Variants in RLN2 observed in about 807,000 individuals in gnomAD.
RLN2 encodes prorelaxin H2.
Under a neutral mutation model 7.3 loss-of-function variants are expected in RLN2, and 10 were observed. The ratio of observed to expected loss-of-function variants is 1.36; its 90% CI spans 0.84 to 2.31. The LOEUF (loss-of-function observed/expected upper bound fraction) is 2.31, where lower values mean the gene tolerates loss of function less well. RLN2 is among the 30% of genes most tolerant of loss of function. RLN2 has a pLI of 0.00. For synonymous variants in RLN2, 103 were observed against 82.3 expected, an observed-to-expected ratio of 1.25 and a Z score of -1.36; for missense variants, 298 against 217.6, an observed-to-expected ratio of 1.37 and a Z score of -2.32.
At chr9:5,310,054 TG>T in the RLN2 span, among the ~76,000 whole-genome samples, 2 of 151,720 alleles carry the variant, frequency 1.3e-5, no homozygotes, top group South Asian at 4.2e-4. Context: ...GTAGTTGTGT[TG>T]GGTAAAAGAG....
intron 1 of RLN2, among the ~76,000 whole-genome samples, chr9:5,301,419 T>C (rs1328933539): frequency 2.0e-5 from 3 of 152,238 alleles, no homozygotes; most frequent in Non-Finnish European, 1.5e-5. Context: ...TTTATTTAAA[T>C]GTTTCTTGCT....
chr9:5,304,505 A>T lies in RLN2; in HGVS notation c.76T>A (p.Ser26Thr), dbSNP rs142573027. Reference sequence around the variant, plus strand: ...AATTTAATAACTTCCTCCATCCATGAGTCCGCGACTGCTCTGGAAAATTGG... The same window carrying T: ...AATTTAATAACTTCCTCCATCCATGTGTCCGCGACTGCTCTGGAAAATTGG... ...LNQFSRAVAD[S>T]WMEEVIKLCG... The change falls in exon 1 of 2, where the codon TCA (serine) becomes ACA (threonine). Residue 26 changes from serine to threonine, a missense_variant. Ser to Thr is a moderately conservative substitution (Grantham distance 58, BLOSUM62 1). Transcript: ENST00000381627. 154 of 1,613,070 alleles carry T rather than the reference A, an allele frequency of 9.5e-5. 5 individuals carry two copies. The highest frequency in any genetic ancestry group is 2.3e-4 in the African/African-American group (17 of 74,898).
At chr9:5,305,520 TTG>T (rs1025403908), upstream of RLN2, among the ~76,000 whole-genome samples, 1 of 151,928 alleles carries the variant, frequency 6.6e-6, no homozygotes, top group Non-Finnish European at 1.5e-5. Flanking sequence ...TTACTGTATT[TTG>T]TGTTTGCTGC....
At chr9:5,326,844 A>G in the RLN2 span, among the ~76,000 whole-genome samples, 1 of 152,132 alleles carries the variant, frequency 6.6e-6, no homozygotes, top group Non-Finnish European at 1.5e-5. Flanking sequence ...GTATTGAAAT[A>G]GAAGGCAAAT....
At chr9:5,333,001 A>G in the RLN2 span, among the ~76,000 whole-genome samples, 3 of 152,038 alleles carry the variant, frequency 2.0e-5, no homozygotes, top group Non-Finnish European at 2.9e-5. Flanking sequence ...TTCTTCTACT[A>G]AAACACAAGA....
the RLN2 span, among the ~76,000 whole-genome samples, chr9:5,335,792 T>C: frequency 1.3e-5 from 2 of 152,060 alleles, no homozygotes; most frequent in Non-Finnish European, 2.9e-5. Context: ...ACCATAATTT[T>C]ACCAAGGCTC....
At chr9:5,301,235 G>C (rs1320264636) in intron 1 of RLN2, among the ~76,000 whole-genome samples, 1 of 152,120 alleles carries the variant, frequency 6.6e-6, no homozygotes, top group African/African-American at 2.4e-5. Context: ...TCCTAGGAAG[G>C]GAGCCTGTTC....
rs471225 is a variant in RLN2 at position 5,302,794 on chromosome 9, G to A, written c.211+1576C>T. On this transcript the variant is annotated intron_variant, in intron 1 of 1. Transcript: ENST00000381627. ...AAATACTACACAGGAATTTCAAATT[G>A]TGTTTTGGGATAATAACAATGTGAG... Among the ~76,000 whole-genome samples, 6 of 152,278 alleles carry A rather than the reference G, an allele frequency of 3.9e-5. No homozygotes were observed. In the South Asian group the frequency reaches 1.0e-3, roughly 26 times the overall value.
the RLN2 span, among the ~76,000 whole-genome samples, chr9:5,337,284 C>T: frequency 6.6e-6 from 1 of 151,710 alleles, no homozygotes; most frequent in African/African-American, 2.4e-5. Context: ...ATGAATCAGC[C>T]AAAACAGTTA....
chr9:5,311,386 C>T, the RLN2 span: 131 of 478,652 alleles, frequency 2.7e-4, 2 homozygotes, highest in African/African-American at 2.2e-3. Flanking sequence ...AGCCGGGGCT[C>T]TCATTGGACA....
chr9:5,333,930 C>G, the RLN2 span, among the ~76,000 whole-genome samples: 2 of 152,046 alleles, frequency 1.3e-5, no homozygotes, highest in Admixed American at 1.3e-4. Context: ...ATATGATTAT[C>G]TTAACAGATG....
rs1447378245 is a variant in RLN2, at chr9:5,300,327, G to A, written c.329C>T (p.Pro110Leu). Residue 110 changes from proline to leucine, a missense_variant, in exon 2 of 2, where the codon CCA (proline) becomes CTA (leucine). Transcript: ENST00000381627. ...LTLSEMQPAL[P>L]QLQQHVPVLK... ...TACAGGTACATGTTGTTGTAGCTGT[G>A]GTAATGCTGGCTGCATCTCAGACAG... The A allele has an allele frequency of 1.2e-6, 2 of 1,613,400 alleles. No individual in the cohort carries two copies. The highest frequency in any genetic ancestry group is 1.7e-6 in the Non-Finnish European group (2 of 1,179,560).
At chr9:5,310,230 CT>C in the RLN2 span, among the ~76,000 whole-genome samples, 2 of 151,990 alleles carry the variant, frequency 1.3e-5, no homozygotes, top group South Asian at 4.2e-4. Context: ...CTATTTAGTT[CT>C]GGTCTTTAGG....
chr9:5,300,035 T>C lies in RLN2; in HGVS notation c.*63A>G. 1.0e-6 allele frequency: 1 copy of C among 995,416 alleles called. No homozygotes were observed. Among genetic ancestry groups the C allele is most frequent in the Non-Finnish European group, 1.5e-6 (1 of 665,696 alleles). 61.7% of individuals were successfully genotyped at this position (995,416 alleles called of 1,614,324 possible). ...GAATTGATGGGACCTGATAGAAGCA[T>C]CAGTGAAATGTCATTAAGAATATGT... On this transcript the variant is annotated 3_prime_UTR_variant, in exon 2 of 2. Coordinates refer to ENST00000381627, the MANE Select transcript of RLN2 (RefSeq NM_134441.3).
the RLN2 span, among the ~76,000 whole-genome samples, chr9:5,332,677 C>T: frequency 6.6e-6 from 1 of 151,048 alleles, no homozygotes; most frequent in Non-Finnish European, 1.5e-5. Flanking sequence ...AGCTGCAGTG[C>T]AATGGCGCAA....
chr9:5,305,185 C>G (rs1204284329), upstream of RLN2, among the ~76,000 whole-genome samples: 4 of 151,862 alleles, frequency 2.6e-5, no homozygotes, highest in Admixed American at 1.3e-4. Flanking sequence ...CAGGTAAAAA[C>G]ATTAAAATCC....
the RLN2 span, among the ~76,000 whole-genome samples, chr9:5,318,016 G>GTGTGTGTGTGTC: frequency 6.6e-6 from 1 of 151,634 alleles, no homozygotes; most frequent in African/African-American, 2.4e-5. Context: ...GCGTGTGTGT[G>GTGTGTGTGTGTC]TGTGTGTGTG....
the RLN2 span, among the ~76,000 whole-genome samples, chr9:5,331,216 GA>G: frequency 1.3e-5 from 2 of 151,908 alleles, no homozygotes; most frequent in Non-Finnish European, 2.9e-5. Flanking sequence ...TCCATCAACA[GA>G]AAAAGAGGGA....
the RLN2 span, chr9:5,311,856 A>G: frequency 1.8e-6 from 1 of 550,208 alleles, no homozygotes; most frequent in Non-Finnish European, 3.2e-6. Context: ...CTTAAGTTTT[A>G]GGGTACATGT....
Sources: gnomAD v4.1 joint callset for allele counts (sites outside exome capture counted in the v4.1 genomes callset) on GRCh38, gnomAD v4.1.1 for gene constraint, MANE v1.5 for transcripts, NCBI Gene and HGNC (gene_info 2026-07-23, HGNC 2026-07-21) for gene names.